CERS6: variants seen among roughly 807,000 people sequenced by gnomAD.
The protein encoded by CERS6 is ceramide synthase 6.
A neutral mutation model predicts 56.8 loss-of-function variants in CERS6; 26 were observed. The ratio of observed to expected loss-of-function variants is 0.46; its 90% CI spans 0.34 to 0.63. The LOEUF is 0.63. Ranked by LOEUF, CERS6 falls within the 30% of genes least tolerant of loss-of-function variation. The pLI is 0.01. For missense variants in CERS6, 415 were observed against 467.5 expected (o/e 0.89, Z 1.04); for synonymous variants, 164 against 173.3 (o/e 0.95, Z 0.42).
chr2:168,521,038 A>T (rs955623847), intron 1 of CERS6, among the ~76,000 whole-genome samples: 14 of 152,220 alleles, frequency 9.2e-5, no homozygotes, highest in African/African-American at 3.4e-4. Context: ...TCTATTTCTT[A>T]TAGACATATA....
chr2:168,732,236 T>C (rs559775707), intron 8 of CERS6, among the ~76,000 whole-genome samples: 1 of 152,348 alleles, frequency 6.6e-6, no homozygotes, highest in South Asian at 2.1e-4. Context: ...AGCACTGTTA[T>C]AATGGAATTG....
chr2:168,554,192 A>T (rs1220848705), intron 2 of CERS6, among the ~76,000 whole-genome samples: 1 of 152,184 alleles, frequency 6.6e-6, no homozygotes, highest in Admixed American at 6.5e-5. Context: ...TGTTTTTTAA[A>T]ATCATCAAAA....
rs560933081 is a variant in CERS6, at chr2:168,511,947, C to T, written c.171-35649C>T. 4.4e-5 allele frequency among the ~76,000 whole-genome samples: 3 copies of T among 67,792 alleles called. No homozygotes were observed. The South Asian group carries it at 2.1e-3, about 48-fold the overall frequency. 44.5% of individuals were successfully genotyped at this position (67,792 alleles called of 152,430 possible). On this transcript the variant is annotated intron_variant, in intron 1 of 9. Transcript: ENST00000305747. ...ATACATACCCATATGTGTGCATGCA[C>T]GTGCACACACACACACACACACACA...
At chr2:168,686,429 A>G (rs752036086) in intron 4 of CERS6, among the ~76,000 whole-genome samples, 4 of 136,852 alleles carry the variant, frequency 2.9e-5, no homozygotes, top group Non-Finnish European at 6.2e-5. Context: ...AAATAAAAAG[A>G]CGCAATTTCT....
At chr2:168,538,894 G>A (rs111825872) in intron 1 of CERS6, among the ~76,000 whole-genome samples, 1,581 of 152,204 alleles carry the variant, frequency 0.01, 14 homozygotes, top group Non-Finnish European at 0.017. Context: ...GTGTATGACC[G>A]TATCACAAGT....
intron 4 of CERS6, among the ~76,000 whole-genome samples, chr2:168,654,244 A>AT: frequency 6.6e-6 from 1 of 152,236 alleles, no homozygotes; most frequent in Non-Finnish European, 1.5e-5. Context: ...CTGACTGTAT[A>AT]TTTTTTTAAA....
At chr2:168,562,498 G>A (rs997697209) in intron 3 of CERS6, among the ~76,000 whole-genome samples, 1 of 152,162 alleles carries the variant, frequency 6.6e-6, no homozygotes, top group Non-Finnish European at 1.5e-5. Context: ...GAGAAGGTCA[G>A]CAAAAAACAT....
At chr2:168,483,531 G>A (rs542218746) in intron 1 of CERS6, among the ~76,000 whole-genome samples, 1 of 152,256 alleles carries the variant, frequency 6.6e-6, no homozygotes, top group South Asian at 2.1e-4. Context: ...TCAAATATGT[G>A]TCTTTTTCCT....
chr2:168,618,423 T>A (rs1361261753), intron 3 of CERS6, among the ~76,000 whole-genome samples: 2 of 152,056 alleles, frequency 1.3e-5, no homozygotes, highest in Non-Finnish European at 2.9e-5. Context: ...TCCAAATCAG[T>A]CACAAGGAAG....
At chr2:168,500,689 A>T (rs1558973756) in intron 1 of CERS6, among the ~76,000 whole-genome samples, 1 of 152,208 alleles carries the variant, frequency 6.6e-6, no homozygotes, top group African/African-American at 2.4e-5. Flanking sequence ...CAAAGGAGAA[A>T]CCACAGGTTC....
chr2:168,480,454 C>T (rs72873085), intron 1 of CERS6, among the ~76,000 whole-genome samples: 5,854 of 152,138 alleles, frequency 0.038, 147 homozygotes, highest in South Asian at 0.084. Context: ...AATTATAAAA[C>T]CTCTTAATGT....
intron 4 of CERS6, among the ~76,000 whole-genome samples, chr2:168,646,886 C>G (rs1283474998): frequency 6.6e-6 from 1 of 152,112 alleles, no homozygotes; most frequent in Non-Finnish European, 1.5e-5. Flanking sequence ...TTCCATTGGT[C>G]TATGTGCCTG....
chr2:168,568,088 T>C (rs1391052384), intron 3 of CERS6, among the ~76,000 whole-genome samples: 1 of 152,204 alleles, frequency 6.6e-6, no homozygotes, highest in Non-Finnish European at 1.5e-5. Flanking sequence ...CTAATGCATG[T>C]GTGTTGGCTA....
At chr2:168,590,916 C>A (rs1036094529) in intron 3 of CERS6, among the ~76,000 whole-genome samples, 3 of 152,218 alleles carry the variant, frequency 2.0e-5, no homozygotes, top group Non-Finnish European at 4.4e-5. Context: ...TGGTCATGTT[C>A]TCTACTTATA....
intron 8 of CERS6, among the ~76,000 whole-genome samples, chr2:168,726,042 T>G (rs993279364): frequency 1.3e-5 from 2 of 152,242 alleles, no homozygotes; most frequent in Non-Finnish European, 2.9e-5. Flanking sequence ...TAATATGGCA[T>G]AGATTGTACT....
At chr2:168,705,930 G>A (rs927040906) in intron 6 of CERS6, among the ~76,000 whole-genome samples, 19 of 152,138 alleles carry the variant, frequency 1.2e-4, no homozygotes, top group African/African-American at 4.6e-4. Flanking sequence ...TGTCTCAGAA[G>A]TGACCTTTCC....
chr2:168,524,031 G>C (rs551550286), intron 1 of CERS6, among the ~76,000 whole-genome samples: 5 of 152,216 alleles, frequency 3.3e-5, no homozygotes, highest in Non-Finnish European at 5.9e-5. Flanking sequence ...TTCTCCAGTA[G>C]ACATGCTGAT....
At chr2:168,687,169 C>G (rs1286994772) in intron 4 of CERS6, among the ~76,000 whole-genome samples, 1 of 152,230 alleles carries the variant, frequency 6.6e-6, no homozygotes, top group Non-Finnish European at 1.5e-5. Flanking sequence ...CAGAATTGTA[C>G]TAGCCAAGGA....
rs112017159 is a variant in CERS6, at chr2:168,542,998, A to G, written c.171-4598A>G. ...AGGCGTGAGCCACTGTATCTGGCCCATTTTACGTTTTGACTATATCTCTCA... is the reference window on the plus strand; with the variant it reads ...AGGCGTGAGCCACTGTATCTGGCCCGTTTTACGTTTTGACTATATCTCTCA... On this transcript the variant is annotated intron_variant, in intron 1 of 9. Transcript: ENST00000305747. Among the ~76,000 whole-genome samples, 1,266 of 152,176 alleles carry G rather than the reference A, an allele frequency of 8.3e-3. 12 individuals carry two copies. The highest frequency in any genetic ancestry group is 0.029 in the African/African-American group (1,187 of 41,518).
Sources: allele counts gnomAD v4.1 joint callset (sites outside exome capture counted in the v4.1 genomes callset), GRCh38; gene constraint gnomAD v4.1.1; transcripts MANE v1.5; gene names NCBI Gene and HGNC (gene_info 2026-07-23, HGNC 2026-07-21).